The following ADAMTS6 variants were observed in gnomAD, a reference collection of about 807,000 sequenced individuals.
The protein encoded by ADAMTS6 is ADAM metallopeptidase with thrombospondin type 1 motif 6.
In ADAMTS6, 23 loss-of-function variants were observed where a neutral mutation model predicts 144.3. The ratio of observed to expected loss-of-function variants is 0.16; its 90% confidence interval spans 0.11 to 0.23. The LOEUF (loss-of-function observed/expected upper bound fraction) is 0.23. ADAMTS6 is among the 10% of genes least tolerant of loss of function. The probability of loss-of-function intolerance (pLI) is 1.00; values close to 1 mark genes in which losing one functional copy is unlikely to be tolerated. For synonymous variants in ADAMTS6, 444 were observed against 457.5 expected (o/e 0.97, Z 0.38); for missense variants, 999 against 1,379.6 (o/e 0.72, Z 4.37).
intron 7 of ADAMTS6, among the ~76,000 whole-genome samples, chr5:65,373,485 C>G (rs1406808700): frequency 6.6e-6 from 1 of 150,564 alleles, no homozygotes; most frequent in South Asian, 2.1e-4. Context: ...AACACCTCTA[C>G]GCAAATAAAC....
At chr5:65,297,112 A>G in intron 10 of ADAMTS6, 1 of 432,294 alleles carries the variant, frequency 2.3e-6, no homozygotes, top group Admixed American at 2.7e-5. Flanking sequence ...CACTACCTGC[A>G]AAGCCGTCGC....
At chr5:65,406,357 G>A (rs184198346) in intron 7 of ADAMTS6, among the ~76,000 whole-genome samples, 1 of 152,198 alleles carries the variant, frequency 6.6e-6, no homozygotes, top group Admixed American at 6.5e-5. Flanking sequence ...TTAGCATGAA[G>A]GGGTGTTGAA....
At chr5:65,280,523 T>C (rs1762907449) in intron 11 of ADAMTS6, among the ~76,000 whole-genome samples, 1 of 152,174 alleles carries the variant, frequency 6.6e-6, no homozygotes, top group Non-Finnish European at 1.5e-5. Context: ...GACTATATCT[T>C]TAAATATGAG....
chr5:65,414,208 A>G (rs547382354), intron 7 of ADAMTS6, among the ~76,000 whole-genome samples: 2 of 152,120 alleles, frequency 1.3e-5, no homozygotes, highest in East Asian at 3.9e-4. Flanking sequence ...TTTTCTTACA[A>G]CTTTCCATTC....
At chr5:65,413,123 C>A (rs1220745596) in intron 7 of ADAMTS6, among the ~76,000 whole-genome samples, 2 of 152,110 alleles carry the variant, frequency 1.3e-5, no homozygotes, top group Non-Finnish European at 2.9e-5. Context: ...CTCAGAATGG[C>A]CTTATAAGAC....
intron 14 of ADAMTS6, among the ~76,000 whole-genome samples, chr5:65,257,505 G>A (rs1023752889): frequency 4.0e-5 from 6 of 151,882 alleles, no homozygotes; most frequent in South Asian, 2.1e-4. Context: ...TATTCCTAGC[G>A]CAGAGCCCAT....
chr5:65,310,609 C>T (rs1377876954), intron 9 of ADAMTS6, among the ~76,000 whole-genome samples: 1 of 152,072 alleles, frequency 6.6e-6, no homozygotes, highest in African/African-American at 2.4e-5. Flanking sequence ...GCCTATTTAA[C>T]CTATTTTGCA....
intron 7 of ADAMTS6, among the ~76,000 whole-genome samples, chr5:65,433,402 AG>A (rs1382623822): frequency 6.6e-6 from 1 of 152,166 alleles, no homozygotes; most frequent in Non-Finnish European, 1.5e-5. Flanking sequence ...ACAGACGGCA[AG>A]AGCAGGATGC....
At chr5:65,218,363 C>A (rs1348895624) in intron 18 of ADAMTS6, among the ~76,000 whole-genome samples, 1 of 151,978 alleles carries the variant, frequency 6.6e-6, no homozygotes, top group Non-Finnish European at 1.5e-5. Context: ...TACTTGACAC[C>A]CTTTAAAAAA....
At chr5:65,186,630 T>C (rs1754687531) in intron 22 of ADAMTS6, among the ~76,000 whole-genome samples, 1 of 152,240 alleles carries the variant, frequency 6.6e-6, no homozygotes, top group Non-Finnish European at 1.5e-5. Context: ...CAATGGATTT[T>C]ATCTTTCAAA....
At chr5:65,350,673 G>C (rs767819635) in intron 7 of ADAMTS6, among the ~76,000 whole-genome samples, 4 of 151,922 alleles carry the variant, frequency 2.6e-5, no homozygotes, top group Non-Finnish European at 5.9e-5. Flanking sequence ...GAGGGGGTGG[G>C]GAGGGTGTCT....
intron 7 of ADAMTS6, among the ~76,000 whole-genome samples, chr5:65,439,044 C>CAA (rs1302042526): frequency 6.6e-6 from 1 of 151,966 alleles, no homozygotes; most frequent in Non-Finnish European, 1.5e-5. Flanking sequence ...TTTGAGGAAT[C>CAA]AAAGGACAGA....
intron 9 of ADAMTS6, among the ~76,000 whole-genome samples, chr5:65,308,273 C>G (rs1744130144): frequency 1.3e-5 from 2 of 152,172 alleles, no homozygotes; most frequent in Non-Finnish European, 2.9e-5. Context: ...TTAAGAACTA[C>G]TGGTGCCTAT....
At chr5:65,405,602 T>A (rs1343519108) in intron 7 of ADAMTS6, among the ~76,000 whole-genome samples, 2 of 152,248 alleles carry the variant, frequency 1.3e-5, no homozygotes, top group African/African-American at 4.8e-5. Flanking sequence ...TTTGTTCTTT[T>A]GGCTTAGGAT....
At chr5:65,268,806 C>T (rs1561354652) in intron 12 of ADAMTS6, among the ~76,000 whole-genome samples, 2 of 152,204 alleles carry the variant, frequency 1.3e-5, no homozygotes, top group African/African-American at 2.4e-5. Context: ...GAACTGCGCC[C>T]CTGGGCAGGG....
At chr5:65,386,065 A>T (rs1216357580) in intron 7 of ADAMTS6, among the ~76,000 whole-genome samples, 1 of 152,218 alleles carries the variant, frequency 6.6e-6, no homozygotes, top group Non-Finnish European at 1.5e-5. Flanking sequence ...TGGGCTATGT[A>T]ATTTACTAAA....
chr5:65,218,051 A>G (rs1281638554), intron 18 of ADAMTS6, among the ~76,000 whole-genome samples: 1 of 152,196 alleles, frequency 6.6e-6, no homozygotes, highest in African/African-American at 2.4e-5. Flanking sequence ...GAGATCAGAA[A>G]CTGGGAAGGC....
intron 7 of ADAMTS6, among the ~76,000 whole-genome samples, chr5:65,355,790 A>C (rs1260849962): frequency 1.3e-5 from 2 of 151,900 alleles, no homozygotes; most frequent in Non-Finnish European, 2.9e-5. Context: ...AATTTATTAG[A>C]GTTTGTATAT....
chr5:65,294,839 A>AC (rs1463830136), intron 10 of ADAMTS6, among the ~76,000 whole-genome samples: 1 of 149,942 alleles, frequency 6.7e-6, no homozygotes, highest in East Asian at 2.0e-4. Flanking sequence ...ATTTCCCCCC[A>AC]CCCCCAAAGG....
Sources: allele counts gnomAD v4.1 joint callset (sites outside exome capture counted in the v4.1 genomes callset), GRCh38; gene constraint gnomAD v4.1.1; transcripts MANE v1.5; gene names NCBI Gene and HGNC (gene_info 2026-07-23, HGNC 2026-07-21).